CSDC2: variants seen among roughly 807,000 people sequenced by gnomAD.
CSDC2 encodes the protein cold shock domain containing C2.
CSDC2 carries 8 observed loss-of-function variants against 15.8 expected under a neutral mutation model. The observed-to-expected ratio is 0.51, with a 90% CI of 0.30 to 0.92. The LOEUF (loss-of-function observed/expected upper bound fraction) is 0.92. Among genes scored for constraint, CSDC2 ranks in the 40% least tolerant of loss-of-function variants. CSDC2 has a pLI of 0.07. For synonymous variants in CSDC2, 96 were observed against 92.3 expected (o/e 1.04, Z -0.23); for missense variants, 195 against 213.3 (o/e 0.91, Z 0.53).
In CSDC2 at chr22:41,574,767, G is replaced by A. The variant is rs767371689; in HGVS notation, c.334G>A (p.Glu112Lys). ...EGEYVPVEGD[E>K]VTYKMCPIPP... Reference sequence around the variant, plus strand: ...GGAGTACGTGCCAGTGGAGGGCGACGAGGTGACCTACAAGATGTGCCCTAT... The same window carrying A: ...GGAGTACGTGCCAGTGGAGGGCGACAAGGTGACCTACAAGATGTGCCCTAT... Residue 112 changes from glutamate to lysine, a missense_variant, in exon 4 of 4, where the codon GAG becomes AAG. By Grantham distance (56) the Glu-to-Lys change is moderately conservative. Coordinates refer to ENST00000306149, the MANE Select transcript of CSDC2 (RefSeq NM_014460.4). 7 of 1,613,812 alleles carry A rather than the reference G, an allele frequency of 4.3e-6. No individual in the cohort carries two copies. The highest frequency in any genetic ancestry group is 2.2e-5 in the East Asian group (1 of 44,878).
At chr22:41,572,180 C>A in intron 2 of CSDC2, 39 bp downstream of exon 2, 1 of 1,272,090 alleles carries the variant, frequency 7.9e-7, no homozygotes, top group Non-Finnish European at 1.0e-6. Flanking sequence ...TGACCCTTGT[C>A]AGGACAGGGG....
At chr22:41,564,121 T>C (rs1436511989) in intron 1 of CSDC2, among the ~76,000 whole-genome samples, 1 of 149,986 alleles carries the variant, frequency 6.7e-6, no homozygotes, top group Non-Finnish European at 1.5e-5. Flanking sequence ...AGAATGGGTG[T>C]ACTAATGGTA....
Position 41,574,997 on chromosome 22 carries a change from T to C in CSDC2, c.*102T>C. On this transcript the variant is annotated 3_prime_UTR_variant, in exon 4 of 4. Coordinates refer to ENST00000306149, the MANE Select transcript of CSDC2 (RefSeq NM_014460.4). ...CCCACTGCCCTGGCTGATGAGTCCTTCGGTGGCCTCAGTGTGCACGTCTGT... is the reference window on the plus strand; with the variant it reads ...CCCACTGCCCTGGCTGATGAGTCCTCCGGTGGCCTCAGTGTGCACGTCTGT... The C allele has an allele frequency of 2.2e-6, 3 of 1,340,940 alleles. No homozygotes were observed. The highest frequency in any genetic ancestry group is 3.0e-6 in the Non-Finnish European group (3 of 987,186). The allele number at this position is 1,340,940 out of a possible 1,614,324, so 83.1% of individuals were successfully genotyped here.
chr22:41,563,887 C>T (rs1054889264), intron 1 of CSDC2, among the ~76,000 whole-genome samples: 5 of 149,462 alleles, frequency 3.3e-5, no homozygotes, highest in Non-Finnish European at 5.9e-5. Flanking sequence ...CTGGCTAACA[C>T]GGTGAAACCC....
intron 1 of CSDC2, among the ~76,000 whole-genome samples, chr22:41,567,037 A>G (rs1202579100): frequency 2.0e-5 from 3 of 152,118 alleles, no homozygotes; most frequent in Non-Finnish European, 4.4e-5. Context: ...GCTCGTTCTG[A>G]AGGGCATTAT....
chr22:41,569,163 G>C (rs1243329422), intron 1 of CSDC2, among the ~76,000 whole-genome samples: 2 of 152,266 alleles, frequency 1.3e-5, no homozygotes, highest in Non-Finnish European at 1.5e-5. Context: ...CCCTCACCCA[G>C]GTGGGGCAGG....
chr22:41,561,401 A>ATGTCTGTGTCTGTGTCTG (rs556364297), intron 1 of CSDC2, among the ~76,000 whole-genome samples: 1 of 152,064 alleles, frequency 6.6e-6, no homozygotes, highest in Non-Finnish European at 1.5e-5. Flanking sequence ...CCGTGGGAGC[A>ATGTCTGTGTCTGTGTCTG]TGTCTGTGTC....
chr22:41,572,470 AT>A, intron 2 of CSDC2, among the ~76,000 whole-genome samples: 1 of 148,954 alleles, frequency 6.7e-6, no homozygotes, highest in Admixed American at 6.7e-5. Flanking sequence ...CCACCCACCC[AT>A]CCATCCGTCC....
chr22:41,562,392 A>G (rs1014202618), intron 1 of CSDC2, among the ~76,000 whole-genome samples: 12 of 114,096 alleles, frequency 1.1e-4, no homozygotes, highest in African/African-American at 3.8e-4. Flanking sequence ...ATCTTGACCC[A>G]TCCTCACCCC....
At position 41,572,009 on chromosome 22, in the gene CSDC2, A is replaced by C. The variant is rs1601997472; in HGVS notation, c.44A>C (p.His15Pro). ...STSPPVVPPL[H>P]SPKSPVWPTF... is the part of the protein sequence containing the mutation. ...TCACCCCCAGTTGTGCCCCCGCTCC[A>C]CTCCCCCAAGTCCCCAGTCTGGCCC... Residue 15 changes from histidine (H) to proline (P), a missense_variant, in exon 2 of 4, where the codon CAC becomes CCC. Transcript: ENST00000306149. 9 of 1,332,156 alleles carry C rather than the reference A, an allele frequency of 6.8e-6. No individual in the cohort carries two copies. Among genetic ancestry groups the C allele is most frequent in the African/African-American group, 1.6e-5 (1 of 61,906 alleles). The allele number at this position is 1,332,156 out of a possible 1,614,324, so 82.5% of individuals were successfully genotyped here.
intron 1 of CSDC2, among the ~76,000 whole-genome samples, chr22:41,569,594 G>A (rs1236142518): frequency 6.6e-6 from 1 of 152,052 alleles, no homozygotes; most frequent in Non-Finnish European, 1.5e-5. Context: ...AGGGTGTAGC[G>A]TGAATCAGTA....
intron 3 of CSDC2, 27 bp downstream of exon 3, chr22:41,573,804 T>C (rs2067160623): frequency 1.2e-6 from 2 of 1,602,010 alleles, no homozygotes; most frequent in South Asian, 2.2e-5. Flanking sequence ...TCCCTGTTCT[T>C]GGCCCCTGCC....
At chr22:41,563,926 A>G (rs2067100261) in intron 1 of CSDC2, among the ~76,000 whole-genome samples, 1 of 151,236 alleles carries the variant, frequency 6.6e-6, no homozygotes, top group South Asian at 2.1e-4. Flanking sequence ...AAAAAAAAAA[A>G]AAGAAAAATT....
Position 41,570,770 on chromosome 22 carries a change from C to T in CSDC2, c.-123-1073C>T, listed in dbSNP as rs9607820. Among the ~76,000 whole-genome samples the T allele has an allele frequency of 2.0e-5, 3 of 146,578 alleles. No individual in the cohort carries two copies. The East Asian group carries it at 6.1e-4, about 30-fold the overall frequency. The stretch of plus-strand genomic sequence containing the variant: ...CTGGGAGGCAGAAGTGACAGTGAGC[C>T]GAGATCACACCACTGTACTCCAGCC... On this transcript the variant is annotated intron_variant, in intron 1 of 3. Coordinates refer to ENST00000306149, the MANE Select transcript of CSDC2 (RefSeq NM_014460.4).
At position 41,572,130 on chromosome 22, in the gene CSDC2, G is replaced by C; in HGVS notation, c.165G>C (p.Arg55Ser). ...GCCCTCTGCCCACCAAGCGGACCAGGACCTATTCAGCGTGAGTACCTGCCC... is the reference window on the plus strand; with the variant it reads ...GCCCTCTGCCCACCAAGCGGACCAGCACCTATTCAGCGTGAGTACCTGCCC... ...LPSPLPTKRT[R>S]TYSATARASA... Residue 55 changes from arginine (R) to serine (S), a missense_variant, in exon 2 of 4, where the codon AGG becomes AGC. Physicochemically the swap from Arg to Ser is moderately radical, Grantham distance 110. Coordinates refer to ENST00000306149, the MANE Select transcript of CSDC2 (RefSeq NM_014460.4). 1 of 1,328,022 alleles carries C rather than the reference G, an allele frequency of 7.5e-7. No individual in the cohort carries two copies. The highest frequency in any genetic ancestry group is 9.7e-7 in the Non-Finnish European group (1 of 1,032,716). The allele number at this position is 1,328,022 out of a possible 1,614,324, so 82.3% of individuals were successfully genotyped here. A position where few individuals can be genotyped will look rare whatever the true frequency, so the allele number is the denominator to read the frequency against.
chr22:41,573,630 T>C, intron 2 of CSDC2, 25 bp from the exon 3 acceptor site: 1 of 1,599,738 alleles, frequency 6.3e-7, no homozygotes, highest in South Asian at 1.1e-5. Flanking sequence ...AGGCCACAGC[T>C]CCAATCCCAC....
At chr22:41,573,811 T>C in intron 3 of CSDC2, 34 bp downstream of exon 3, 1 of 1,595,736 alleles carries the variant, frequency 6.3e-7, no homozygotes, top group Non-Finnish European at 8.6e-7. Context: ...TCTTGGCCCC[T>C]GCCCTAGTGT....
At chr22:41,572,343 TCCACCCACCCACCCACCCACCCAC>T (rs55678957) in intron 2 of CSDC2, among the ~76,000 whole-genome samples, 967 of 71,634 alleles carry the variant, frequency 0.013, 26 homozygotes, top group African/African-American at 0.05. Flanking sequence ...CATCCATCCA[TCCACCCACCCACCCACCCACCCAC>T]CCACCCACCC....
Position 41,571,884 on chromosome 22 carries a change from C to G in CSDC2, c.-82C>G. ...GTGAGGCCGCAGAGCAGGGCCAGGCCGGGCCCTGCCCGCAAGGACGACCAA... is the reference window on the plus strand; with the variant it reads ...GTGAGGCCGCAGAGCAGGGCCAGGCGGGGCCCTGCCCGCAAGGACGACCAA... On this transcript the variant is annotated 5_prime_UTR_variant, in exon 2 of 4. Coordinates refer to ENST00000306149, the MANE Select transcript of CSDC2 (RefSeq NM_014460.4). The G allele has an allele frequency of 1.0e-6, 1 of 964,606 alleles. No individual in the cohort carries two copies. Among genetic ancestry groups the G allele is most frequent in the Non-Finnish European group, 1.4e-6 (1 of 714,424 alleles). The allele number at this position is 964,606 out of a possible 1,614,324, so 59.8% of individuals were successfully genotyped here.
Sources: gnomAD v4.1 joint callset for allele counts (sites outside exome capture counted in the v4.1 genomes callset) on GRCh38, gnomAD v4.1.1 for gene constraint, MANE v1.5 for transcripts, NCBI Gene and HGNC (gene_info 2026-07-23, HGNC 2026-07-21) for gene names.